ZNF48: variants seen among roughly 807,000 people sequenced by gnomAD.
ZNF48 encodes zinc finger protein 48.
Under a neutral mutation model 40.0 loss-of-function variants are expected in ZNF48, and 20 were observed. The observed-to-expected ratio is 0.50, with a 90% CI of 0.35 to 0.73. The LOEUF (loss-of-function observed/expected upper bound fraction) is 0.73, where lower values mean the gene tolerates loss of function less well. ZNF48 is among the 30% of genes least tolerant of loss of function. The pLI is 0.01. For missense variants in ZNF48, 726 were observed against 851.9 expected (o/e 0.85, Z 1.84); for synonymous variants, 298 against 329.7 (o/e 0.90, Z 1.04).
chr16:30,395,751 C>T lies in ZNF48; in HGVS notation c.-15-29C>T. 2.8e-6 allele frequency: 4 copies of T among 1,451,886 alleles called. No homozygotes were observed. Among genetic ancestry groups the T allele is most frequent in the Non-Finnish European group, 3.7e-6 (4 of 1,095,830 alleles). The allele number at this position is 1,451,886 out of a possible 1,614,324, so 89.9% of individuals were successfully genotyped here. ...CGCGGGCCACACATGGCTGCGTGACCGCGGGATGCTGTCTGTCCCCTTGCT... is the reference window on the plus strand; with the variant it reads ...CGCGGGCCACACATGGCTGCGTGACTGCGGGATGCTGTCTGTCCCCTTGCT... On this transcript the variant is annotated intron_variant, in intron 1 of 2. Transcript: ENST00000613509. This position sits in a 1 kb window ranked among gnomAD's most constrained non-coding sequence, Gnocchi z 5.9.
Position 30,382,977 on chromosome 16 carries a change from C to T in ZNF48, c.-16+4567C>T. On this transcript the variant is annotated intron_variant, in intron 1 of 2. Transcript: ENST00000528032. The surrounding 1 kb of genome is among the most constrained non-coding windows in gnomAD (Gnocchi z 4.8). ...CAGCTTGAGCCAAGGAGTTCCAGAC[C>T]AGCCTGGGCAACAGAGGGACGTGCC... 1 of 621,614 alleles carries T rather than the reference C, an allele frequency of 1.6e-6. No homozygotes were observed. Among genetic ancestry groups the T allele is most frequent in the Non-Finnish European group, 2.9e-6 (1 of 345,838 alleles). The allele number at this position is 621,614 out of a possible 1,614,324, so 38.5% of individuals were successfully genotyped here.
rs377532243 is a variant in ZNF48 at position 30,382,612 on chromosome 16, G to A, written c.-16+4202G>A. 134 of 1,550,764 alleles carry A rather than the reference G, an allele frequency of 8.6e-5. No individual in the cohort carries two copies. Among genetic ancestry groups the A allele is most frequent in the Non-Finnish European group, 1.1e-4 (125 of 1,148,162 alleles). On this transcript the variant is annotated intron_variant, in intron 1 of 2. Coordinates refer to the ZNF48 transcript ENST00000528032. The surrounding 1 kb of genome is among the most constrained non-coding windows in gnomAD (Gnocchi z 4.8). ...AGCTGAGTGCGGCTAACAAGGGGGC[G>A]GGCAGAAGAGGCAGCTGAGATGCTC...
Position 30,399,199 on chromosome 16 carries a change from AGAAG to A in ZNF48, c.*98_*101del. On this transcript the variant is annotated 3_prime_UTR_variant, in exon 3 of 3. Transcript: ENST00000613509. ...AAGGGCCTGGGAGGTGGTGGGAGGGAGAAGGAAGGGAAGAAAGGGGAGGAAGAAT... is the reference window on the plus strand; with the variant it reads ...AAGGGCCTGGGAGGTGGTGGGAGGGAGAAGGGAAGAAAGGGGAGGAAGAAT... The A allele has an allele frequency of 2.4e-6, 3 of 1,242,716 alleles. No homozygotes were observed. Among genetic ancestry groups the A allele is most frequent in the Non-Finnish European group, 3.3e-6 (3 of 908,976 alleles). 77.0% of individuals were successfully genotyped at this position (1,242,716 alleles called of 1,614,324 possible).
chr16:30,386,070 G>GT (rs959132242), intron 1 of ZNF48, among the ~76,000 whole-genome samples: 21 of 151,368 alleles, frequency 1.4e-4, no homozygotes, highest in Admixed American at 1.4e-3. Flanking sequence ...GAGGCCAGGA[G>GT]TTTGAGACCA....
chr16:30,381,054 A>G lies in ZNF48; in HGVS notation c.-16+2644A>G. ...ACCATGCTCCAGAAAGGCCACTTCA[A>G]GATCAAAGAAGTCTAAGCTGAAATC... is the stretch of plus-strand genomic sequence containing the variant. On this transcript the variant is annotated intron_variant, in intron 1 of 2. Coordinates refer to the ZNF48 transcript ENST00000528032. The surrounding 1 kb of genome is among the most constrained non-coding windows in gnomAD (Gnocchi z 4.3). 2 of 1,223,846 alleles carry G rather than the reference A, an allele frequency of 1.6e-6. No individual in the cohort carries two copies. The highest frequency in any genetic ancestry group is 2.4e-5 in the South Asian group (2 of 82,802). 75.8% of individuals were successfully genotyped at this position (1,223,846 alleles called of 1,614,324 possible).
In ZNF48 at chr16:30,398,228, G is replaced by C. The variant is rs148385718; in HGVS notation, c.978G>C (p.Thr326=). 12 of 1,613,398 alleles carry C rather than the reference G, an allele frequency of 7.4e-6. No homozygotes were observed. The African/African-American group carries it at 1.6e-4, about 22-fold the overall frequency. Residue 326 remains threonine (T), a synonymous_variant, in exon 3 of 3, where the codon ACG becomes ACC. Coordinates refer to ENST00000613509, the MANE Select transcript of ZNF48 (RefSeq NM_001214909.2). This position sits in a 1 kb window ranked among gnomAD's most constrained non-coding sequence, Gnocchi z 6.6. ...TGGTGAAGCACCTGCGGGTGCACACGGGTGAGAAGCCCTACCTCTGCCCAG... is the reference window on the plus strand; with the variant it reads ...TGGTGAAGCACCTGCGGGTGCACACCGGTGAGAAGCCCTACCTCTGCCCAG... The part of the protein sequence containing the change: ...SDLVKHLRVH[T]GEKPYLCPEC...
chr16:30,395,860 A>G lies in ZNF48; in HGVS notation c.66A>G (p.Arg22=). Residue 22 remains arginine, a synonymous_variant, in exon 2 of 3, where the codon AGA becomes AGG. Transcript: ENST00000613509. The surrounding 1 kb of genome is among the most constrained non-coding windows in gnomAD (Gnocchi z 5.9). The part of the protein sequence containing the change: ...LHRPEEREPQ[R]GARTGLGSEN... ...GCCCGGAGGAGAGGGAGCCACAGAG[A>G]GGCGCCCGCACAGGTGAGGGCCTCG... The G allele has an allele frequency of 6.5e-7, 1 of 1,542,512 alleles. No individual in the cohort carries two copies. The highest frequency in any genetic ancestry group is 8.7e-7 in the Non-Finnish European group (1 of 1,148,760).
chr16:30,378,945 A>G (rs2049797073), intron 1 of ZNF48: 13 of 1,471,898 alleles, frequency 8.8e-6, no homozygotes, highest in Admixed American at 3.8e-5. Flanking sequence ...GGTGGTGGGG[A>G]CGAGTCCTCA....
chr16:30,390,770 G>A (rs957389653), upstream of ZNF48, among the ~76,000 whole-genome samples: 11 of 151,672 alleles, frequency 7.3e-5, no homozygotes, highest in Admixed American at 2.6e-4. Flanking sequence ...ACAGGCGCCC[G>A]CCATCACGCC....
chr16:30,378,954 C>T, intron 1 of ZNF48: 2 of 1,533,528 alleles, frequency 1.3e-6, no homozygotes, highest in Non-Finnish European at 1.8e-6. Flanking sequence ...GACGAGTCCT[C>T]AGGGCGGGGT....
Position 30,399,228 on chromosome 16 carries a change from T to C in ZNF48, c.*121T>C. The C allele has an allele frequency of 1.1e-6, 1 of 941,970 alleles. No homozygotes were observed. The highest frequency in any genetic ancestry group is 1.8e-5 in the South Asian group (1 of 55,692). The allele number at this position is 941,970 out of a possible 1,614,324, so 58.4% of individuals were successfully genotyped here. Reference sequence around the variant, plus strand: ...GGAAGGGAAGAAAGGGGAGGAAGAATAGATAGAAATAGGGATTGGAGACAG... The same window carrying C: ...GGAAGGGAAGAAAGGGGAGGAAGAACAGATAGAAATAGGGATTGGAGACAG... On this transcript the variant is annotated 3_prime_UTR_variant, in exon 3 of 3. Coordinates refer to ENST00000613509, the MANE Select transcript of ZNF48 (RefSeq NM_001214909.2).
At chr16:30,396,732 TC>T (rs2049987848) in intron 2 of ZNF48, among the ~76,000 whole-genome samples, 1 of 147,074 alleles carries the variant, frequency 6.8e-6, no homozygotes, top group African/African-American at 2.6e-5. Flanking sequence ...TCTCACTGTG[TC>T]ACCCAGGCTA....
chr16:30,386,490 T>C (rs540237827), intron 1 of ZNF48, among the ~76,000 whole-genome samples: 1 of 151,970 alleles, frequency 6.6e-6, no homozygotes, highest in Admixed American at 6.6e-5. Context: ...CTGGGGAACA[T>C]GGTGAAACCC....
Position 30,381,517 on chromosome 16 carries a change from A to G in ZNF48, c.-16+3107A>G. The G allele has an allele frequency of 6.2e-7, 1 of 1,610,312 alleles. No homozygotes were observed. Among genetic ancestry groups the G allele is most frequent in the South Asian group, 1.1e-5 (1 of 90,926 alleles). ...TGTGAGGTCAGAGATCAAAGGCCAGAGGGCAGGGGGCAAGGCTAGCCAGGA... is the reference window on the plus strand; with the variant it reads ...TGTGAGGTCAGAGATCAAAGGCCAGGGGGCAGGGGGCAAGGCTAGCCAGGA... On this transcript the variant is annotated intron_variant, in intron 1 of 2. Transcript: ENST00000528032. The surrounding 1 kb of genome is among the most constrained non-coding windows in gnomAD (Gnocchi z 4.3).
In ZNF48 at chr16:30,398,045, C is replaced by G. The variant is rs1040491286; in HGVS notation, c.795C>G (p.Thr265=). ...CATCTCGGGCAGCCACGGCAGCTACCCAGGGACCGAAGGCCCAGGACAAGC... is the reference window on the plus strand; with the variant it reads ...CATCTCGGGCAGCCACGGCAGCTACGCAGGGACCGAAGGCCCAGGACAAGC... The part of the protein sequence containing the change: ...RQPSRAATAA[T]QGPKAQDKPY... Residue 265 remains threonine, a synonymous_variant, in exon 3 of 3, where the codon ACC becomes ACG. Coordinates refer to ENST00000613509, the MANE Select transcript of ZNF48 (RefSeq NM_001214909.2). This position sits in a 1 kb window ranked among gnomAD's most constrained non-coding sequence, Gnocchi z 6.6. The G allele has an allele frequency of 1.2e-6, 2 of 1,612,328 alleles. No homozygotes were observed. The highest frequency in any genetic ancestry group is 3.3e-5 in the Admixed American group (2 of 59,904).
chr16:30,395,914 C>T lies in ZNF48; in HGVS notation c.79+41C>T. ...GTGCGCCGCCACGGACAGGTAACGG[C>T]CGGTGGGGACTGCGATGCTTGGCTG... On this transcript the variant is annotated intron_variant, in intron 2 of 2. Coordinates refer to ENST00000613509, the MANE Select transcript of ZNF48 (RefSeq NM_001214909.2). The surrounding 1 kb of genome is among the most constrained non-coding windows in gnomAD (Gnocchi z 5.9). The T allele has an allele frequency of 6.8e-7, 1 of 1,472,216 alleles. No homozygotes were observed. Among genetic ancestry groups the T allele is most frequent in the South Asian group, 1.3e-5 (1 of 77,794 alleles). 91.2% of individuals were successfully genotyped at this position (1,472,216 alleles called of 1,614,324 possible). A position where few individuals can be genotyped will look rare whatever the true frequency, so the allele number is the denominator to read the frequency against.
At chr16:30,386,306 T>C (rs1391883693) in intron 1 of ZNF48, among the ~76,000 whole-genome samples, 1 of 152,058 alleles carries the variant, frequency 6.6e-6, no homozygotes, top group Non-Finnish European at 1.5e-5. Flanking sequence ...TAGGATGATA[T>C]ATATTTATCT....
upstream of ZNF48, among the ~76,000 whole-genome samples, chr16:30,392,007 T>A (rs1266706926): frequency 6.6e-6 from 1 of 151,848 alleles, no homozygotes; most frequent in African/African-American, 2.4e-5. Flanking sequence ...CCAGCTAACT[T>A]TTTTGTATCT....
chr16:30,389,572 CAAAAA>C (rs1250778121), intron 1 of ZNF48, among the ~76,000 whole-genome samples: 1 of 53,594 alleles, frequency 1.9e-5, no homozygotes, highest in Non-Finnish European at 3.8e-5. Context: ...GACTCTGTCT[CAAAAA>C]AAAAAAAAAA....
Sources: gnomAD v4.1 joint callset for allele counts (sites outside exome capture counted in the v4.1 genomes callset) on GRCh38, gnomAD v4.1.1 for gene constraint, Gnocchi (gnomAD v3.1) non-coding constraint, MANE v1.5 for transcripts, NCBI Gene and HGNC (gene_info 2026-07-23, HGNC 2026-07-21) for gene names.